Variants in FNTA observed in about 807,000 individuals in gnomAD.
FNTA encodes protein farnesyltransferase/geranylgeranyltransferase type-1 subunit alpha.
A neutral mutation model predicts 55.2 loss-of-function variants in FNTA; 27 were observed. That is an observed-to-expected ratio of 0.49 (90% confidence interval 0.36 to 0.67). The LOEUF is 0.67. FNTA is among the 30% of genes least tolerant of loss of function. FNTA has a pLI of 0.00. For synonymous variants in FNTA, 176 were observed against 170.7 expected (o/e 1.03, Z -0.24); for missense variants, 422 against 464.7 (o/e 0.91, Z 0.85).
intron 8 of FNTA, 31 bp downstream of exon 8, chr8:43,084,912 T>G (rs376440643): frequency 6.3e-7 from 1 of 1,598,618 alleles, no homozygotes; most frequent in African/African-American, 1.3e-5. Flanking sequence ...GCTGTCATTT[T>G]TGGTATCTCA....
At chr8:43,081,012 A>G (rs1811015402) in intron 6 of FNTA, 1 of 152,230 alleles carries the variant, frequency 6.6e-6, no homozygotes. Context: ...GAAGTATTTA[A>G]AATGTGAAGA....
At chr8:43,063,658 G>T (rs984747600) in intron 2 of FNTA, among the ~76,000 whole-genome samples, 1 of 152,110 alleles carries the variant, frequency 6.6e-6, no homozygotes, top group Admixed American at 6.6e-5. Flanking sequence ...GGTTGCTTCT[G>T]GGGAGGAGGC....
chr8:43,066,587 C>CGTGTGT (rs34748037), intron 3 of FNTA, among the ~76,000 whole-genome samples: 90,631 of 148,474 alleles, frequency 0.61, 28,925 homozygotes, highest in Non-Finnish European at 0.71. Flanking sequence ...TAGCATCGTT[C>CGTGTGT]GTGTGTGTGT....
intron 2 of FNTA, among the ~76,000 whole-genome samples, chr8:43,063,077 C>A (rs1810572342): frequency 6.6e-6 from 1 of 150,744 alleles, no homozygotes; most frequent in African/African-American, 2.4e-5. Context: ...ACCACCATAC[C>A]TGGCAGTTCC....
chr8:43,075,527 T>A (rs542997465), intron 5 of FNTA, among the ~76,000 whole-genome samples: 16 of 152,210 alleles, frequency 1.1e-4, no homozygotes, highest in Non-Finnish European at 2.1e-4. Flanking sequence ...TATAAAAAAT[T>A]TATATTGCCT....
At position 43,056,468 on chromosome 8, in the gene FNTA, C is replaced by A; in HGVS notation, c.122C>A (p.Ala41Asp). The A allele has an allele frequency of 6.4e-7, 1 of 1,569,658 alleles. No homozygotes were observed. ...CAGCAGCACAAGGAAGAGATGGCGG[C>A]CGAGGCTGGGGAAGCCGTGGCGTCC... ...PQQQHKEEMA[A>D]EAGEAVASPM... Residue 41 changes from alanine to aspartate, a missense_variant, in exon 1 of 9, where the codon GCC becomes GAC. Ala to Asp is a moderately radical substitution (Grantham distance 126). Around this residue, in one of 2 missense-constraint regions of FNTA, gnomAD observed 160 missense variants for 121.6 expected, o/e 1.32. Coordinates refer to ENST00000302279, the MANE Select transcript of FNTA (RefSeq NM_002027.3).
chr8:43,067,938 C>T (rs1229263198), intron 3 of FNTA, among the ~76,000 whole-genome samples: 2 of 151,884 alleles, frequency 1.3e-5, no homozygotes, highest in Admixed American at 6.6e-5. Context: ...CTTGCTCTGT[C>T]GCCCAGGCTG....
intron 3 of FNTA, among the ~76,000 whole-genome samples, chr8:43,064,511 C>T (rs1013724733): frequency 6.6e-6 from 1 of 152,040 alleles, no homozygotes; most frequent in African/African-American, 2.4e-5. Flanking sequence ...GACAGGGTTT[C>T]ACCATGTTGG....
intron 3 of FNTA, 125 bp downstream of exon 3, chr8:43,064,340 T>G (rs1226492268): frequency 8.3e-6 from 5 of 603,546 alleles, no homozygotes; most frequent in Non-Finnish European, 1.5e-5. Flanking sequence ...GGGTGCAGTT[T>G]CACTCTTGTT....
chr8:43,073,438 T>C (rs1435100064), intron 5 of FNTA: 2 of 152,168 alleles, frequency 1.3e-5, no homozygotes, highest in African/African-American at 4.8e-5. Flanking sequence ...GCTTATGCAT[T>C]TCTATTTATT....
intron 1 of FNTA, chr8:43,056,978 C>T (rs1389441522): frequency 1.3e-5 from 2 of 152,290 alleles, no homozygotes; most frequent in Non-Finnish European, 2.9e-5. Flanking sequence ...TTTGCTCACC[C>T]TAAAAACGAA....
At position 43,085,358 on chromosome 8, in the gene FNTA, TCCTTC is replaced by T; in HGVS notation, c.*81_*85del. ...CTGCAGGAGTTTCACACGAGAGTGGTCCTTCCCTTTGCCTGTGGTGTAAAAGTGCA... is the reference window on the plus strand; with the variant it reads ...CTGCAGGAGTTTCACACGAGAGTGGTCCTTTGCCTGTGGTGTAAAAGTGCA... On this transcript the variant is annotated 3_prime_UTR_variant, in exon 9 of 9. Transcript: ENST00000302279. The T allele has an allele frequency of 7.2e-7, 1 of 1,397,074 alleles. No homozygotes were observed. 86.5% of individuals were successfully genotyped at this position (1,397,074 alleles called of 1,614,324 possible).
At chr8:43,062,111 G>C (rs537255470) in intron 2 of FNTA, among the ~76,000 whole-genome samples, 28 of 152,116 alleles carry the variant, frequency 1.8e-4, no homozygotes, top group African/African-American at 6.3e-4. Context: ...CTGAGGCTTT[G>C]GAGCTATCCC....
intron 5 of FNTA, among the ~76,000 whole-genome samples, chr8:43,075,828 A>G (rs998911957): frequency 6.6e-6 from 1 of 151,980 alleles, no homozygotes; most frequent in Non-Finnish European, 1.5e-5. Flanking sequence ...TAAAAATAAT[A>G]GAAATTTATA....
chr8:43,071,802 T>G (rs577805703), intron 4 of FNTA, among the ~76,000 whole-genome samples: 22 of 152,268 alleles, frequency 1.4e-4, no homozygotes, highest in African/African-American at 4.8e-4. Context: ...ATTTGTAGAA[T>G]GAGAAGCTGC....
chr8:43,062,171 TTA>T (rs766066238), intron 2 of FNTA, among the ~76,000 whole-genome samples: 2 of 75,062 alleles, frequency 2.7e-5, no homozygotes, highest in Middle Eastern at 6.0e-3. Context: ...TGTGTATGTT[TTA>T]TGTGTGTGTG....
At chr8:43,065,191 C>G (rs570541242) in intron 3 of FNTA, among the ~76,000 whole-genome samples, 5 of 152,042 alleles carry the variant, frequency 3.3e-5, no homozygotes, top group Non-Finnish European at 5.9e-5. Flanking sequence ...TCTCCACTAC[C>G]CTCCCTCCAT....
chr8:43,056,797 C>T (rs1810417960), intron 1 of FNTA: 1 of 170,052 alleles, frequency 5.9e-6, no homozygotes, highest in African/African-American at 2.4e-5. Flanking sequence ...CACGCGGAAA[C>T]TGCTGCACCC....
chr8:43,063,304 C>G (rs1442720481), intron 2 of FNTA: 1 of 456,076 alleles, frequency 2.2e-6, no homozygotes. Flanking sequence ...TAATTTTAAA[C>G]TGCTGGGTTC....
Sources: gnomAD v4.1 joint callset for allele counts (sites outside exome capture counted in the v4.1 genomes callset) on GRCh38, gnomAD v4.1.1 for gene constraint, gnomAD v4.1.1 regional missense constraint, MANE v1.5 for transcripts, NCBI Gene and HGNC (gene_info 2026-07-23, HGNC 2026-07-21) for gene names.